Variants in MALRD1 observed in about 807,000 individuals in gnomAD.
MALRD1 encodes the protein MAM and LDL-receptor class A domain-containing protein 1.
A neutral mutation model predicts 242.1 loss-of-function variants in MALRD1; 247 were observed. That is an observed-to-expected ratio of 1.02 (90% CI 0.92 to 1.13). The LOEUF (loss-of-function observed/expected upper bound fraction) is 1.13. Ranked by LOEUF, MALRD1 falls within the 50% of genes most tolerant of loss-of-function variation. The probability of loss-of-function intolerance (pLI) is 0.00; values close to 1 mark genes in which losing one functional copy is unlikely to be tolerated. For missense variants in MALRD1, 2,989 were observed against 2,533.1 expected (o/e 1.18, Z -3.86); for synonymous variants, 995 against 866.6 (o/e 1.15, Z -2.60).
rs188143341 is a variant in MALRD1, at chr10:19,686,666, C to T, written c.6138-5616C>T. 3.4e-3 allele frequency among the ~76,000 whole-genome samples: 521 copies of T among 152,240 alleles called. 5 individuals carry two copies. The highest frequency in any genetic ancestry group is 0.011 in the African/African-American group (451 of 41,546). Reference sequence around the variant, plus strand: ...ATCACCTGATGGTCACCTGGCATTTCTGGTGGAGGGGTGCCTTCTCCTGCC... The same window carrying T: ...ATCACCTGATGGTCACCTGGCATTTTTGGTGGAGGGGTGCCTTCTCCTGCC... On this transcript the variant is annotated intron_variant, in intron 36 of 39. Transcript: ENST00000454679.
chr10:19,614,761 G>C (rs566341022), intron 35 of MALRD1, among the ~76,000 whole-genome samples: 14 of 152,118 alleles, frequency 9.2e-5, no homozygotes, highest in African/African-American at 3.4e-4. Flanking sequence ...AGTGACACAA[G>C]CAGTGAAATA....
At chr10:19,684,264 G>A (rs536404446) in intron 36 of MALRD1, among the ~76,000 whole-genome samples, 1 of 152,172 alleles carries the variant, frequency 6.6e-6, no homozygotes, top group African/African-American at 2.4e-5. Context: ...ACTGTGAAAT[G>A]AGGAAATAAT....
chr10:19,246,016 G>A (rs567545876), intron 18 of MALRD1, among the ~76,000 whole-genome samples: 1 of 152,098 alleles, frequency 6.6e-6, no homozygotes, highest in Non-Finnish European at 1.5e-5. Flanking sequence ...AAAAAACGAT[G>A]ATGTGTTAAA....
chr10:19,665,754 G>T (rs1408014212), intron 36 of MALRD1, among the ~76,000 whole-genome samples: 1 of 152,016 alleles, frequency 6.6e-6, no homozygotes, highest in East Asian at 1.9e-4. Flanking sequence ...ATTCCATTTT[G>T]CAGAATACAT....
chr10:19,613,539 A>G (rs1838996929), intron 35 of MALRD1, among the ~76,000 whole-genome samples: 2 of 151,658 alleles, frequency 1.3e-5, no homozygotes, highest in African/African-American at 2.4e-5. Flanking sequence ...TCTACCCCCA[A>G]CCCCACCCTA....
chr10:19,658,149 A>G (rs908742498), intron 36 of MALRD1, among the ~76,000 whole-genome samples: 2 of 150,930 alleles, frequency 1.3e-5, no homozygotes, highest in African/African-American at 5.0e-5. Flanking sequence ...ACTCAATCTC[A>G]AAACAAAGCA....
intron 36 of MALRD1, among the ~76,000 whole-genome samples, chr10:19,625,543 T>C (rs574837208): frequency 1.3e-5 from 2 of 152,164 alleles, no homozygotes; most frequent in South Asian, 2.1e-4. Flanking sequence ...GATATGATTC[T>C]AAAAACAGGC....
chr10:19,094,239 G>A (rs1488548798), intron 4 of MALRD1, among the ~76,000 whole-genome samples: 1 of 100,938 alleles, frequency 9.9e-6, no homozygotes, highest in Non-Finnish European at 2.0e-5. Flanking sequence ...CTAGCAATCA[G>A]CGAGATTCCG....
chr10:19,411,224 G>C (rs1055539480), intron 28 of MALRD1, among the ~76,000 whole-genome samples: 3 of 152,112 alleles, frequency 2.0e-5, no homozygotes, highest in Non-Finnish European at 4.4e-5. Context: ...ACTCCATGAG[G>C]TTGCCTTTTT....
chr10:19,539,897 T>TGTGTGCGC (rs1365113182), intron 32 of MALRD1, among the ~76,000 whole-genome samples: 19 of 44,434 alleles, frequency 4.3e-4, no homozygotes, highest in African/African-American at 1.3e-3. Context: ...TGTGTGTGTG[T>TGTGTGCGC]GCGCGCGCGC....
intron 2 of MALRD1, among the ~76,000 whole-genome samples, chr10:19,080,306 C>A (rs1248294064): frequency 1.3e-5 from 2 of 151,842 alleles, no homozygotes; most frequent in Non-Finnish European, 2.9e-5. Flanking sequence ...GGTCTCATAG[C>A]CAAGACACTC....
In MALRD1 at chr10:19,692,297, G is replaced by C. The variant is rs1833108798; in HGVS notation, c.6153G>C (p.Trp2051Cys). Reference protein sequence around the residue: ...NGPMCRCRQGWKGNRCHIKFN... With the variant: ...NGPMCRCRQGCKGNRCHIKFN... ...TCCTTTCCAGATGTAGACAAGGCTG[G>C]AAAGGAAATCGATGCCATATCAAGT... is the stretch of plus-strand genomic sequence containing the variant. The change falls in exon 37 of 40, where the codon TGG (tryptophan) becomes TGC (cysteine). Residue 2051 changes from tryptophan to cysteine, a missense_variant. Physicochemically the swap from Trp to Cys is radical, Grantham distance 215 (BLOSUM62 -2). Coordinates refer to ENST00000454679, the MANE Select transcript of MALRD1 (RefSeq NM_001142308.3). 2 of 1,534,732 alleles carry C rather than the reference G, an allele frequency of 1.3e-6. No individual in the cohort carries two copies. The highest frequency in any genetic ancestry group is 1.7e-6 in the Non-Finnish European group (2 of 1,146,172).
intron 32 of MALRD1, among the ~76,000 whole-genome samples, chr10:19,532,781 C>T (rs1486177450): frequency 2.0e-5 from 3 of 152,066 alleles, no homozygotes; most frequent in East Asian, 3.9e-4. Context: ...AGTAAAACAA[C>T]AGAGAAAGAG....
At chr10:19,225,092 T>C (rs959012014) in intron 18 of MALRD1, among the ~76,000 whole-genome samples, 5 of 152,158 alleles carry the variant, frequency 3.3e-5, no homozygotes, top group African/African-American at 1.2e-4. Flanking sequence ...TATTAAATAG[T>C]AAATCTTTCC....
intron 19 of MALRD1, among the ~76,000 whole-genome samples, chr10:19,272,917 T>A (rs1055430377): frequency 1.3e-5 from 2 of 152,196 alleles, no homozygotes; most frequent in Non-Finnish European, 2.9e-5. Context: ...ACATTTTCTT[T>A]ATCCAGTCTA....
chr10:19,622,191 C>T (rs1394078798), intron 36 of MALRD1, among the ~76,000 whole-genome samples: 1 of 125,084 alleles, frequency 8.0e-6, no homozygotes, highest in Admixed American at 7.8e-5. Context: ...TATTAAGAAT[C>T]AGAAAAGAAG....
intron 24 of MALRD1, among the ~76,000 whole-genome samples, chr10:19,339,023 C>T (rs1409401307): frequency 2.7e-5 from 4 of 150,338 alleles, no homozygotes; most frequent in Admixed American, 6.6e-5. Context: ...ACTATTAGCA[C>T]GTCAGGGTGA....
chr10:19,053,199 C>T (rs145734171), intron 1 of MALRD1, among the ~76,000 whole-genome samples: 1 of 152,270 alleles, frequency 6.6e-6, no homozygotes, highest in African/African-American at 2.4e-5. Flanking sequence ...GGTGGTTGAA[C>T]GTGGAGAAAG....
At chr10:19,566,298 A>ATTTTTTTTTTTTTTT (rs10548629) in intron 32 of MALRD1, among the ~76,000 whole-genome samples, 8 of 111,040 alleles carry the variant, frequency 7.2e-5, no homozygotes, top group Non-Finnish European at 1.1e-4. Flanking sequence ...TGCCTGGCTA[A>ATTTTTTTTTTTTTTT]TTTTTTTTTT....
Sources: allele counts gnomAD v4.1 joint callset (sites outside exome capture counted in the v4.1 genomes callset), GRCh38; gene constraint gnomAD v4.1.1; transcripts MANE v1.5; gene names NCBI Gene and HGNC (gene_info 2026-07-23, HGNC 2026-07-21).